The following ATXN1 variants were observed in gnomAD, a reference collection of about 807,000 sequenced individuals.
The protein encoded by ATXN1 is ataxin-1.
A neutral mutation model predicts 56.4 loss-of-function variants in ATXN1; 8 were observed. That is an observed-to-expected ratio of 0.14 (90% CI 0.08 to 0.26). The LOEUF (loss-of-function observed/expected upper bound fraction) is 0.26. ATXN1 is among the 10% of genes least tolerant of loss of function. ATXN1 has a pLI of 1.00. For missense variants in ATXN1, 987 were observed against 1,106.5 expected (o/e 0.89, Z 1.53); for synonymous variants, 514 against 494.6 (o/e 1.04, Z -0.52).
At chr6:16,661,284 A>G (rs1453956894) in intron 2 of ATXN1, among the ~76,000 whole-genome samples, 1 of 152,108 alleles carries the variant, frequency 6.6e-6, no homozygotes, top group Non-Finnish European at 1.5e-5. Flanking sequence ...ATACATATAT[A>G]GCATTTATTA....
rs58000476 is a variant in ATXN1 at position 16,593,858 on chromosome 6, C to CATATAT, written c.-488-7957_-488-7952dup. Among the ~76,000 whole-genome samples, 91 of 143,540 alleles carry CATATAT rather than the reference C, an allele frequency of 6.3e-4. 1 individual carries two copies. Among genetic ancestry groups the CATATAT allele is most frequent in the East Asian group, 1.6e-3 (8 of 4,876 alleles). 94.2% of individuals were successfully genotyped at this position (143,540 alleles called of 152,430 possible). On this transcript the variant is annotated intron_variant, in intron 3 of 7. Transcript: ENST00000436367. Reference sequence around the variant, plus strand: ...GTATGTACGTGTATATGTGTGTGTGCATATATATATATATATATATATAAA... The same window carrying CATATAT: ...GTATGTACGTGTATATGTGTGTGTGCATATATATATATATATATATATATATATAAA...
At chr6:16,349,255 A>G (rs1441613640) in intron 6 of ATXN1, among the ~76,000 whole-genome samples, 3 of 152,174 alleles carry the variant, frequency 2.0e-5, no homozygotes, top group African/African-American at 7.2e-5. Flanking sequence ...CTGTAATCCC[A>G]GCACTTTGGG....
intron 3 of ATXN1, among the ~76,000 whole-genome samples, chr6:16,654,413 G>A (rs895905610): frequency 6.6e-6 from 1 of 151,980 alleles, no homozygotes; most frequent in Non-Finnish European, 1.5e-5. Context: ...GCACGGTGGC[G>A]CATGCCTGTA....
intron 6 of ATXN1, among the ~76,000 whole-genome samples, chr6:16,347,402 G>A (rs963297401): frequency 7.1e-4 from 108 of 152,340 alleles, no homozygotes; most frequent in African/African-American, 1.7e-3. Context: ...ACACCAATCA[G>A]CACCCTGTGT....
At position 16,536,182 on chromosome 6, in the gene ATXN1, A is replaced by G. The variant is rs559010844; in HGVS notation, c.-360-13494T>C. ...CAGTGAGCTGAGATCGTACCACTGC[A>G]CTCCAACCTGGGCGACAGAGTGAGA... On this transcript the variant is annotated intron_variant, in intron 4 of 7. Coordinates refer to ENST00000436367, the MANE Select transcript of ATXN1 (RefSeq NM_001128164.2). Among the ~76,000 whole-genome samples the G allele has an allele frequency of 2.6e-5, 4 of 152,252 alleles. 1 individual carries two copies. In the South Asian group the frequency reaches 6.2e-4, roughly 24 times the overall value.
intron 4 of ATXN1, among the ~76,000 whole-genome samples, chr6:16,583,976 ACTC>A (rs1283711462): frequency 6.6e-6 from 1 of 151,984 alleles, no homozygotes; most frequent in Non-Finnish European, 1.5e-5. Context: ...ATGATTAAAT[ACTC>A]CTGAAATAGG....
chr6:16,606,730 G>A (rs62389039), intron 3 of ATXN1, among the ~76,000 whole-genome samples: 3 of 150,954 alleles, frequency 2.0e-5, no homozygotes, highest in East Asian at 2.0e-4. Context: ...GGGTTTCGCC[G>A]TGTTAGCCAG....
chr6:16,610,337 T>C (rs570391677), intron 3 of ATXN1, among the ~76,000 whole-genome samples: 19 of 151,846 alleles, frequency 1.3e-4, no homozygotes, highest in African/African-American at 4.6e-4. Flanking sequence ...AATATTAATA[T>C]AAATTAATAA....
intron 4 of ATXN1, among the ~76,000 whole-genome samples, chr6:16,579,480 G>GCCCCACCCCCCCCCCCCC: frequency 4.6e-5 from 1 of 21,896 alleles, no homozygotes; most frequent in Admixed American, 9.4e-4. Flanking sequence ...CTTGGTCAAA[G>GCCCCACCCCCCCCCCCCC]CCCCCCCCCC....
At chr6:16,383,214 G>A (rs1314399092) in intron 6 of ATXN1, among the ~76,000 whole-genome samples, 1 of 152,200 alleles carries the variant, frequency 6.6e-6, no homozygotes, top group Non-Finnish European at 1.5e-5. Context: ...CTTAGATGGT[G>A]AGGAAAGAGA....
intron 6 of ATXN1, among the ~76,000 whole-genome samples, chr6:16,439,825 G>A (rs1759477302): frequency 6.6e-6 from 1 of 152,168 alleles, no homozygotes; most frequent in South Asian, 2.1e-4. Flanking sequence ...TGTAATCCCA[G>A]CACTTTTGGG....
chr6:16,551,437 G>GA (rs1684964855), intron 4 of ATXN1, among the ~76,000 whole-genome samples: 1 of 152,026 alleles, frequency 6.6e-6, no homozygotes, highest in African/African-American at 2.4e-5. Flanking sequence ...AACAGCTTGA[G>GA]AAAAAGTGGG....
chr6:16,611,752 G>A (rs1258272421), intron 3 of ATXN1, among the ~76,000 whole-genome samples: 1 of 150,732 alleles, frequency 6.6e-6, no homozygotes, highest in Non-Finnish European at 1.5e-5. Flanking sequence ...GTAGAGCATG[G>A]AAATATATAA....
chr6:16,681,451 C>A (rs1008378541), intron 2 of ATXN1, among the ~76,000 whole-genome samples: 1 of 152,176 alleles, frequency 6.6e-6, no homozygotes, highest in African/African-American at 2.4e-5. Flanking sequence ...AAGTGTAACA[C>A]GAACATTAAG....
intron 4 of ATXN1, among the ~76,000 whole-genome samples, chr6:16,540,419 C>G (rs1161171495): frequency 1.3e-5 from 2 of 152,090 alleles, no homozygotes; most frequent in Admixed American, 6.5e-5. Context: ...ACCATGTTGG[C>G]CAGGATGGTC....
At chr6:16,737,056 C>A (rs1434350258) in intron 2 of ATXN1, 1 of 152,166 alleles carries the variant, frequency 6.6e-6, no homozygotes, top group African/African-American at 2.4e-5. Context: ...GTCAAACAAA[C>A]CTTCAAAGCA....
intron 7 of ATXN1, among the ~76,000 whole-genome samples, chr6:16,311,672 C>T (rs180910859): frequency 6.6e-6 from 1 of 152,298 alleles, no homozygotes; most frequent in East Asian, 1.9e-4. Flanking sequence ...GGGATACCCA[C>T]TGTATTCTAA....
At chr6:16,403,943 AAT>A (rs1340607231) in intron 6 of ATXN1, among the ~76,000 whole-genome samples, 3 of 152,234 alleles carry the variant, frequency 2.0e-5, no homozygotes, top group African/African-American at 7.2e-5. Context: ...TAAATATGAC[AAT>A]ATAGAGACAC....
intron 4 of ATXN1, among the ~76,000 whole-genome samples, chr6:16,581,663 T>C (rs2113760948): frequency 6.6e-6 from 1 of 152,234 alleles, no homozygotes; most frequent in South Asian, 2.1e-4. Context: ...AAAATCTGTT[T>C]AAAGTGAACT....
Sources: allele counts gnomAD v4.1 joint callset (sites outside exome capture counted in the v4.1 genomes callset), GRCh38; gene constraint gnomAD v4.1.1; transcripts MANE v1.5; gene names NCBI Gene and HGNC (gene_info 2026-07-23, HGNC 2026-07-21).